RETREG3: variants seen among roughly 807,000 people sequenced by gnomAD.
The protein encoded by RETREG3 is reticulophagy regulator 3.
RETREG3 carries 23 observed loss-of-function variants against 50.2 expected under a neutral mutation model. That is an observed-to-expected ratio of 0.46 (90% CI 0.33 to 0.65). The LOEUF (loss-of-function observed/expected upper bound fraction) is 0.65, where lower values mean the gene tolerates loss of function less well. RETREG3 is among the 30% of genes least tolerant of loss of function. RETREG3 has a pLI of 0.02. For synonymous variants in RETREG3, 240 were observed against 234.4 expected, an observed-to-expected ratio of 1.02 and a Z score of -0.22; for missense variants, 546 against 598.0, an observed-to-expected ratio of 0.91 and a Z score of 0.91.
intron 7 of RETREG3, 108 bp from the exon 8 acceptor site, chr17:42,582,914 T>A: frequency 1.4e-6 from 2 of 1,424,530 alleles, no homozygotes; most frequent in Non-Finnish European, 9.6e-7. Context: ...GGCCATCAAA[T>A]CAATGTAACC....
intron 1 of RETREG3, among the ~76,000 whole-genome samples, chr17:42,594,937 G>A (rs1597738015): frequency 7.1e-6 from 1 of 141,012 alleles, no homozygotes; most frequent in African/African-American, 2.6e-5. Flanking sequence ...GGAACTTTAC[G>A]TTTTGTTTGT....
intron 8 of RETREG3, 36 bp from the exon 9 acceptor site, chr17:42,582,306 T>C: frequency 6.4e-7 from 1 of 1,560,568 alleles, no homozygotes. Flanking sequence ...TCATGGCACC[T>C]ACCTGGCCCT....
chr17:42,604,315 G>A (rs1374574120), intron 1 of RETREG3, among the ~76,000 whole-genome samples: 1 of 152,106 alleles, frequency 6.6e-6, no homozygotes, highest in African/African-American at 2.4e-5. Context: ...GACTCAGCTT[G>A]TGGACTGCTC....
chr17:42,598,487 T>G (rs992348656), intron 1 of RETREG3, among the ~76,000 whole-genome samples: 2 of 152,176 alleles, frequency 1.3e-5, no homozygotes, highest in Non-Finnish European at 2.9e-5. Flanking sequence ...AGGGCCTTCA[T>G]GATCTGGATC....
At chr17:42,608,936 G>A (rs1457197736) in intron 1 of RETREG3, 150 bp downstream of exon 1, 3 of 731,748 alleles carry the variant, frequency 4.1e-6, no homozygotes, top group Non-Finnish European at 6.6e-6. Context: ...AAGCCTGCAG[G>A]CGGGATGGAG....
At chr17:42,596,167 G>A (rs866266893) in intron 1 of RETREG3, among the ~76,000 whole-genome samples, 4 of 150,650 alleles carry the variant, frequency 2.7e-5, no homozygotes, top group African/African-American at 4.9e-5. Context: ...CCAGGAGTTC[G>A]AGACCAGCCT....
At chr17:42,597,591 A>G (rs1484593160) in intron 1 of RETREG3, among the ~76,000 whole-genome samples, 348 of 8,052 alleles carry the variant, frequency 0.043, 11 homozygotes, top group African/African-American at 0.095. Context: ...GTATATATAT[A>G]TATATATATA....
chr17:42,594,111 C>G (rs2093138820), intron 1 of RETREG3, among the ~76,000 whole-genome samples: 1 of 152,202 alleles, frequency 6.6e-6, no homozygotes, highest in South Asian at 2.1e-4. Flanking sequence ...GAATTGCTAG[C>G]CTCGGAGGTA....
intron 4 of RETREG3, 105 bp from the exon 5 acceptor site, chr17:42,586,242 G>T: frequency 2.0e-6 from 2 of 979,672 alleles, no homozygotes; most frequent in South Asian, 1.4e-5. Flanking sequence ...TGTAAGTCAA[G>T]CATGGACGTG....
At position 42,585,189 on chromosome 17, in the gene RETREG3, T is replaced by C. The variant is rs771041152; in HGVS notation, c.663A>G (p.Pro221=). Residue 221 remains proline, a synonymous_variant, in exon 6 of 9, where the codon CCA becomes CCG. Transcript: ENST00000309428. ...CACTGAAGTCTAGCCGCTGCAGAGC[T>C]GGCTTCAGCCGCACATATGCTCGAT... The part of the protein sequence containing the change: ...LWDRAYVRLK[P]ALQRLDFSVR... 1 of 1,614,014 alleles carries C rather than the reference T, an allele frequency of 6.2e-7. No homozygotes were observed. The highest frequency in any genetic ancestry group is 1.7e-5 in the Admixed American group (1 of 60,014).
chr17:42,600,584 A>C (rs1438009408), intron 1 of RETREG3, among the ~76,000 whole-genome samples: 1 of 152,188 alleles, frequency 6.6e-6, no homozygotes, highest in African/African-American at 2.4e-5. Flanking sequence ...AAGACGTAGA[A>C]AAGAACTGGG....
At chr17:42,592,286 A>T (rs571952910) in intron 1 of RETREG3, 124 bp from the exon 2 acceptor site, 17 of 685,890 alleles carry the variant, frequency 2.5e-5, no homozygotes, top group Admixed American at 1.4e-4. Flanking sequence ...TTGTTCTGAC[A>T]CTTAACTAGT....
chr17:42,600,612 T>A (rs1476221987), intron 1 of RETREG3, among the ~76,000 whole-genome samples: 1 of 151,980 alleles, frequency 6.6e-6, no homozygotes, highest in Admixed American at 6.6e-5. Context: ...AGACACAAAA[T>A]TGGCCAGGAA....
At chr17:42,608,771 ACGCAGCTT>A in intron 1 of RETREG3, 1 of 330,820 alleles carries the variant, frequency 3.0e-6, no homozygotes. Context: ...CTTTAAAGGG[ACGCAGCTT>A]TGTCGGGCTC....
chr17:42,593,147 A>G (rs983340086), intron 1 of RETREG3, among the ~76,000 whole-genome samples: 4 of 152,214 alleles, frequency 2.6e-5, no homozygotes, highest in Admixed American at 1.3e-4. Context: ...GTAGACCAAT[A>G]TTCCTTATGA....
At chr17:42,590,401 G>A (rs1422569535) in intron 2 of RETREG3, among the ~76,000 whole-genome samples, 2 of 152,072 alleles carry the variant, frequency 1.3e-5, no homozygotes, top group African/African-American at 2.4e-5. Flanking sequence ...GCTGGGCGCG[G>A]TGACTCACGT....
At chr17:42,605,990 CAAAAAAA>C (rs764477176) in intron 1 of RETREG3, among the ~76,000 whole-genome samples, 5 of 65,086 alleles carry the variant, frequency 7.7e-5, no homozygotes, top group Non-Finnish European at 1.4e-4. Context: ...GACTCCATCT[CAAAAAAA>C]AAAAAAAAAA....
chr17:42,583,667 A>G, intron 6 of RETREG3, 87 bp from the exon 7 acceptor site: 1 of 1,268,998 alleles, frequency 7.9e-7, no homozygotes, highest in Non-Finnish European at 1.1e-6. Flanking sequence ...TCAGAACACA[A>G]AACAAAGAGC....
At chr17:42,597,438 C>A (rs2093147488) in intron 1 of RETREG3, among the ~76,000 whole-genome samples, 1 of 149,112 alleles carries the variant, frequency 6.7e-6, no homozygotes, top group Admixed American at 6.7e-5. Context: ...CCACCCACCT[C>A]GGCATCCCAA....
Sources: allele counts gnomAD v4.1 joint callset (sites outside exome capture counted in the v4.1 genomes callset), GRCh38; gene constraint gnomAD v4.1.1; transcripts MANE v1.5; gene names NCBI Gene and HGNC (gene_info 2026-07-23, HGNC 2026-07-21).